ANKRD31: variants seen among roughly 807,000 people sequenced by gnomAD.
The protein encoded by ANKRD31 is ankyrin repeat domain 31.
Under a neutral mutation model 186.0 loss-of-function variants are expected in ANKRD31, and 147 were observed. The observed-to-expected ratio is 0.79, with a 90% CI of 0.69 to 0.91. ANKRD31 has a LOEUF of 0.91. Among genes scored for constraint, ANKRD31 ranks in the 40% least tolerant of loss-of-function variants. The probability of loss-of-function intolerance (pLI) is 0.00; values close to 1 mark genes in which losing one functional copy is unlikely to be tolerated. For synonymous variants in ANKRD31, 673 were observed against 736.4 expected, an observed-to-expected ratio of 0.91 and a Z score of 1.39; for missense variants, 1,986 against 2,148.8, an observed-to-expected ratio of 0.92 and a Z score of 1.50.
intron 16 of ANKRD31, among the ~76,000 whole-genome samples, chr5:75,138,589 T>C (rs1196871264): frequency 2.0e-5 from 3 of 152,182 alleles, no homozygotes; most frequent in Non-Finnish European, 4.4e-5. Context: ...GGAAAAGGCC[T>C]AACTCCCTTT....
intron 20 of ANKRD31, among the ~76,000 whole-genome samples, chr5:75,109,284 G>A (rs1747579633): frequency 6.6e-6 from 1 of 152,134 alleles, no homozygotes; most frequent in Non-Finnish European, 1.5e-5. Context: ...TTCAGTTGAA[G>A]CAGTTCAGTT....
At chr5:75,148,354 A>C (rs986665193) in intron 13 of ANKRD31, among the ~76,000 whole-genome samples, 1 of 151,818 alleles carries the variant, frequency 6.6e-6, no homozygotes, top group African/African-American at 2.4e-5. Context: ...CATAAAGAGG[A>C]GGAGGAAGGA....
intron 11 of ANKRD31, among the ~76,000 whole-genome samples, chr5:75,163,529 T>C (rs1392803854): frequency 6.6e-6 from 1 of 152,224 alleles, no homozygotes; most frequent in East Asian, 1.9e-4. Flanking sequence ...GAATAAATTG[T>C]ATGTTGTGTG....
intron 17 of ANKRD31, 132 bp downstream of exon 17, chr5:75,137,724 T>C (rs964468925): frequency 1.3e-6 from 1 of 756,690 alleles, no homozygotes; most frequent in Non-Finnish European, 1.9e-6. Flanking sequence ...TCTTCATTTG[T>C]AATTTGAAGC....
chr5:75,086,156 C>T (rs1435868655), intron 23 of ANKRD31, among the ~76,000 whole-genome samples: 1 of 152,220 alleles, frequency 6.6e-6, no homozygotes, highest in Non-Finnish European at 1.5e-5. Flanking sequence ...AGTATGTTCT[C>T]ACCTATATCT....
rs1210650624 is a variant in ANKRD31, at chr5:75,188,518, T to C, written c.1539A>G (p.Gly513=). ...CAGCATAACTTGGCTGATTAACATT[T>C]CCACCTTTTTTTATACAATGATGAA... The part of the protein sequence containing the change: ...DLVHHCIKKG[G]NVNQPSYAGW... The change falls in exon 10 of 26, where the codon GGA becomes GGG. Residue 513 remains glycine, a synonymous_variant. Coordinates refer to ENST00000506364, the MANE Select transcript of ANKRD31 (RefSeq NM_001372053.1). The C allele has an allele frequency of 1.3e-6, 2 of 1,535,972 alleles. No individual in the cohort carries two copies. The highest frequency in any genetic ancestry group is 2.4e-5 in the South Asian group (2 of 83,718).
intron 17 of ANKRD31, among the ~76,000 whole-genome samples, chr5:75,123,413 G>A (rs768924776): frequency 1.3e-5 from 2 of 151,738 alleles, no homozygotes; most frequent in African/African-American, 2.4e-5. Flanking sequence ...TGCCAACATC[G>A]CTTTTCACAG....
chr5:75,097,613 T>C (rs565516673), intron 22 of ANKRD31, among the ~76,000 whole-genome samples: 2 of 152,348 alleles, frequency 1.3e-5, no homozygotes, highest in South Asian at 4.1e-4. Flanking sequence ...AGGTTGCCTC[T>C]TCACTCTGAT....
At chr5:75,198,883 A>G (rs1312473111) in intron 6 of ANKRD31, among the ~76,000 whole-genome samples, 1 of 152,148 alleles carries the variant, frequency 6.6e-6, no homozygotes, top group African/African-American at 2.4e-5. Context: ...TTATCCTTGG[A>G]ACCCAGACCT....
chr5:75,080,484 A>C (rs4447963), intron 25 of ANKRD31, 84 bp downstream of exon 25: 356,081 of 868,950 alleles, frequency 0.41, 80,707 homozygotes, highest in African/African-American at 0.83. Context: ...AATATTTGAC[A>C]ATCTATTTGA....
chr5:75,233,039 C>T (rs915984074), intron 1 of ANKRD31, among the ~76,000 whole-genome samples: 4 of 150,806 alleles, frequency 2.7e-5, no homozygotes. Context: ...ATAGGTTCTA[C>T]CATTTCTTTT....
rs1047600771 is a variant in ANKRD31, at chr5:75,236,860, C to A, written c.-174G>T. ...TGAGGAGGACGCAGGCGGCCGCGAG[C>A]GCGGCGGGGTAGCAGTCTGCGAGGC... On this transcript the variant is annotated 5_prime_UTR_variant, in exon 1 of 26. Coordinates refer to ENST00000506364, the MANE Select transcript of ANKRD31 (RefSeq NM_001372053.1). The A allele has an allele frequency of 5.8e-6, 3 of 516,160 alleles. No homozygotes were observed. The highest frequency in any genetic ancestry group is 8.1e-5 in the Admixed American group (2 of 24,692). The allele number at this position is 516,160 out of a possible 1,614,324, so 32.0% of individuals were successfully genotyped here.
intron 5 of ANKRD31, among the ~76,000 whole-genome samples, chr5:75,205,666 AC>A (rs1450810853): frequency 6.6e-6 from 1 of 152,220 alleles, no homozygotes; most frequent in East Asian, 1.9e-4. Flanking sequence ...TGTTGTAGCA[AC>A]AGAGCAAGAG....
chr5:75,142,834 C>T (rs1284779147), intron 15 of ANKRD31, among the ~76,000 whole-genome samples: 1 of 152,110 alleles, frequency 6.6e-6, no homozygotes, highest in Non-Finnish European at 1.5e-5. Flanking sequence ...GTTCAATTCT[C>T]TGCTCAAGTG....
In ANKRD31 at chr5:75,109,508, AG is replaced by A. The variant is rs747504623; in HGVS notation, c.4244-1892del. Reference sequence around the variant, plus strand: ...ATTCAGCAGCAAGAGTAAGGGGTAAAGGGTCTTCTCTTCTTTACCTCAAGCC... The same window carrying A: ...ATTCAGCAGCAAGAGTAAGGGGTAAAGGTCTTCTCTTCTTTACCTCAAGCC... On this transcript the variant is annotated intron_variant, in intron 20 of 25. Transcript: ENST00000506364. Among the ~76,000 whole-genome samples the A allele has an allele frequency of 2.6e-5, 4 of 152,286 alleles. No individual in the cohort carries two copies. The South Asian group carries it at 6.2e-4, about 24-fold the overall frequency.
chr5:75,136,290 C>G (rs371951400), intron 17 of ANKRD31, among the ~76,000 whole-genome samples: 1 of 152,142 alleles, frequency 6.6e-6, no homozygotes, highest in Non-Finnish European at 1.5e-5. Context: ...TATCCAGACT[C>G]TACAAAGAAC....
At chr5:75,152,890 G>C (rs1201294913) in intron 12 of ANKRD31, among the ~76,000 whole-genome samples, 5 of 151,778 alleles carry the variant, frequency 3.3e-5, no homozygotes, top group Middle Eastern at 3.2e-3. Context: ...TGAATCTATG[G>C]ATATATTTTT....
chr5:75,191,198 T>C (rs1755087453), intron 9 of ANKRD31, among the ~76,000 whole-genome samples: 1 of 152,142 alleles, frequency 6.6e-6, no homozygotes, highest in Non-Finnish European at 1.5e-5. Flanking sequence ...TAAGGAATGT[T>C]ATGGAAATCC....
At chr5:75,156,112 C>T (rs890725649) in intron 11 of ANKRD31, among the ~76,000 whole-genome samples, 1 of 152,042 alleles carries the variant, frequency 6.6e-6, no homozygotes, top group African/African-American at 2.4e-5. Context: ...GCCTTGTTGG[C>T]CAGGCTGGTC....
Sources: gnomAD v4.1 joint callset for allele counts (sites outside exome capture counted in the v4.1 genomes callset) on GRCh38, gnomAD v4.1.1 for gene constraint, MANE v1.5 for transcripts, NCBI Gene and HGNC (gene_info 2026-07-23, HGNC 2026-07-21) for gene names.